The following CACNA2D2 variants were observed in gnomAD, a reference collection of about 807,000 sequenced individuals.
CACNA2D2 encodes the protein voltage-dependent calcium channel subunit alpha-2/delta-2.
In CACNA2D2, 48 loss-of-function variants were observed where a neutral mutation model predicts 166.4. The ratio of observed to expected loss-of-function variants is 0.29; its 90% CI spans 0.23 to 0.37. The LOEUF is 0.37. Ranked by LOEUF, CACNA2D2 falls within the 10% of genes least tolerant of loss-of-function variation. The pLI, the probability that CACNA2D2 is intolerant of heterozygous loss-of-function variation, is 1.00. For missense variants in CACNA2D2, 1,122 were observed against 1,433.0 expected, an observed-to-expected ratio of 0.78 and a Z score of 3.50; for synonymous variants, 561 against 573.7, an observed-to-expected ratio of 0.98 and a Z score of 0.32.
At chr3:50,455,452 C>G (rs994696724) in intron 2 of CACNA2D2, among the ~76,000 whole-genome samples, 1 of 152,226 alleles carries the variant, frequency 6.6e-6, no homozygotes, top group South Asian at 2.1e-4. Context: ...TCTCCCTCCA[C>G]GCTCCAGAGC....
Position 50,364,774 on chromosome 3 carries a change from G to C in CACNA2D2, c.3324C>G (p.Ser1108=). 6.3e-7 allele frequency: 1 copy of C among 1,593,160 alleles called. No individual in the cohort carries two copies. Among genetic ancestry groups the C allele is most frequent in the East Asian group, 2.3e-5 (1 of 43,082 alleles). ...CCAGGACGCCCAGCGACGGCGGGAA[G>C]GAGGCCCCGCGGCCACAGTCTGAGG... ...EDTSDCGRGA[S]FPPSLGVLVS... Residue 1108 remains serine (S), a synonymous_variant, in exon 38 of 38, where the codon TCC becomes TCG. Coordinates refer to ENST00000424201, the MANE Select transcript of CACNA2D2 (RefSeq NM_006030.4).
Position 50,374,756 on chromosome 3 carries a change from G to A in CACNA2D2, c.1965C>T (p.Asp655=). Residue 655 remains aspartate, a synonymous_variant, in exon 22 of 38, where the codon GAC becomes GAT. Transcript: ENST00000424201. ...STFYLQANLS[D]QILQVKYFEF... ...ACTTACACTTGACCTGCAGGATCTG[G>A]TCACTGAGATTGGCTTGGAGGTAGA... The A allele has an allele frequency of 6.3e-7, 1 of 1,597,834 alleles. No individual in the cohort carries two copies. The highest frequency in any genetic ancestry group is 8.5e-7 in the Non-Finnish European group (1 of 1,172,750).
chr3:50,373,232 T>C (rs1165171900), intron 22 of CACNA2D2: 1 of 713,838 alleles, frequency 1.4e-6, no homozygotes, highest in Admixed American at 2.7e-5. Context: ...CTCATCATCA[T>C]ACCGAAAGGA....
chr3:50,498,472 G>A (rs902850564), intron 1 of CACNA2D2, among the ~76,000 whole-genome samples: 4 of 152,176 alleles, frequency 2.6e-5, no homozygotes, highest in Non-Finnish European at 4.4e-5. Context: ...GAAGGAAATG[G>A]CATCTCATCT....
At chr3:50,385,976 C>G (rs1705583801) in intron 5 of CACNA2D2, among the ~76,000 whole-genome samples, 1 of 152,084 alleles carries the variant, frequency 6.6e-6, no homozygotes, top group Non-Finnish European at 1.5e-5. Context: ...TTCCCCCACC[C>G]CCACCTTCTG....
chr3:50,395,568 C>T (rs1001332923), intron 3 of CACNA2D2, among the ~76,000 whole-genome samples: 1 of 152,254 alleles, frequency 6.6e-6, no homozygotes, highest in African/African-American at 2.4e-5. Context: ...ACCTCACCCC[C>T]ATCCTTGAGT....
intron 3 of CACNA2D2, among the ~76,000 whole-genome samples, chr3:50,431,002 C>T (rs1708037604): frequency 3.3e-5 from 5 of 152,188 alleles, no homozygotes. Flanking sequence ...TCGTTACAAA[C>T]ATCTGATTGT....
intron 24 of CACNA2D2, 98 bp downstream of exon 24, chr3:50,368,040 C>G (rs1704444595): frequency 5.9e-6 from 7 of 1,184,824 alleles, no homozygotes; most frequent in South Asian, 4.9e-5. Context: ...TAGCTTGTGC[C>G]TGCTTATTTC....
chr3:50,477,211 G>A (rs1416737139), intron 1 of CACNA2D2, among the ~76,000 whole-genome samples: 1 of 151,728 alleles, frequency 6.6e-6, no homozygotes, highest in Non-Finnish European at 1.5e-5. Flanking sequence ...TTATAGGCAT[G>A]AGCCACCGTG....
At chr3:50,370,435 G>A (rs942532446) in intron 22 of CACNA2D2, 55 bp from the exon 23 acceptor site, 6 of 791,070 alleles carry the variant, frequency 7.6e-6, no homozygotes, top group Admixed American at 2.1e-5. Flanking sequence ...GGAGGCCGGG[G>A]GGCTCAGAGC....
intron 1 of CACNA2D2, among the ~76,000 whole-genome samples, chr3:50,485,814 G>T (rs1223084898): frequency 6.6e-6 from 1 of 152,216 alleles, no homozygotes; most frequent in Non-Finnish European, 1.5e-5. Flanking sequence ...TAATTTCTCA[G>T]AAGTCTAGAG....
intron 2 of CACNA2D2, among the ~76,000 whole-genome samples, chr3:50,443,403 G>A (rs1348500575): frequency 2.0e-5 from 3 of 152,230 alleles, no homozygotes; most frequent in East Asian, 3.9e-4. Context: ...AGGGCTCAGC[G>A]CATAACCCAT....
At chr3:50,372,677 C>T (rs1345892811) in intron 22 of CACNA2D2, among the ~76,000 whole-genome samples, 1 of 152,184 alleles carries the variant, frequency 6.6e-6, no homozygotes, top group Non-Finnish European at 1.5e-5. Context: ...TGATCTACCC[C>T]CTGCATCTCA....
At chr3:50,451,324 C>T (rs1575707018) in intron 2 of CACNA2D2, among the ~76,000 whole-genome samples, 1 of 152,242 alleles carries the variant, frequency 6.6e-6, no homozygotes, top group South Asian at 2.1e-4. Context: ...ATGGGTTTCA[C>T]CATATTGGCC....
At chr3:50,426,726 G>C (rs1046850718) in intron 3 of CACNA2D2, among the ~76,000 whole-genome samples, 1 of 152,148 alleles carries the variant, frequency 6.6e-6, no homozygotes, top group Non-Finnish European at 1.5e-5. Context: ...GAGGTCCCAG[G>C]AGAAGGGCCT....
At chr3:50,391,421 G>T (rs1242653589) in intron 4 of CACNA2D2, among the ~76,000 whole-genome samples, 1 of 152,258 alleles carries the variant, frequency 6.6e-6, no homozygotes, top group African/African-American at 2.4e-5. Flanking sequence ...CTGGCACCAA[G>T]TGTGGTCCGG....
chr3:50,456,001 G>A (rs1327095793), intron 2 of CACNA2D2, among the ~76,000 whole-genome samples: 2 of 152,090 alleles, frequency 1.3e-5, no homozygotes, highest in African/African-American at 2.4e-5. Context: ...TCTGAGGAGG[G>A]CAGCTATTGC....
intron 2 of CACNA2D2, among the ~76,000 whole-genome samples, chr3:50,458,925 C>T (rs1404392548): frequency 1.3e-5 from 2 of 152,194 alleles, no homozygotes; most frequent in African/African-American, 4.8e-5. Context: ...GGGTTTCTGG[C>T]CCAGCCCACC....
Position 50,438,399 on chromosome 3 carries a change from C to T in CACNA2D2, c.289-3970G>A, listed in dbSNP as rs547743959. 8.5e-4 allele frequency among the ~76,000 whole-genome samples: 130 copies of T among 152,294 alleles called. 1 individual carries two copies. Among genetic ancestry groups the T allele is most frequent in the Admixed American group, 3.7e-3 (56 of 15,300 alleles). On this transcript the variant is annotated intron_variant, in intron 2 of 37. Coordinates refer to ENST00000424201, the MANE Select transcript of CACNA2D2 (RefSeq NM_006030.4). ...CTTCAGTTAGGCATCAGGGCAAGTCCGGCCAGCCCTCCATCCTAGGGCTTC... is the reference window on the plus strand; with the variant it reads ...CTTCAGTTAGGCATCAGGGCAAGTCTGGCCAGCCCTCCATCCTAGGGCTTC...
Sources: gnomAD v4.1 joint callset for allele counts (sites outside exome capture counted in the v4.1 genomes callset) on GRCh38, gnomAD v4.1.1 for gene constraint, MANE v1.5 for transcripts, NCBI Gene and HGNC (gene_info 2026-07-23, HGNC 2026-07-21) for gene names.